The following HCRTR1 variants were observed in gnomAD, a reference collection of about 807,000 sequenced individuals.
HCRTR1 encodes hypocretin receptor 1.
Under a neutral mutation model 40.6 loss-of-function variants are expected in HCRTR1, and 28 were observed. The observed-to-expected ratio is 0.69, with a 90% confidence interval of 0.51 to 0.95. The LOEUF (loss-of-function observed/expected upper bound fraction) is 0.95, where lower values mean the gene tolerates loss of function less well. Among genes scored for constraint, HCRTR1 ranks in the 40% least tolerant of loss-of-function variants. HCRTR1 has a pLI of 0.00. For missense variants in HCRTR1, 482 were observed against 564.7 expected (o/e 0.85, Z 1.48); for synonymous variants, 209 against 230.0 (o/e 0.91, Z 0.83).
chr1:31,633,354 G>C, downstream of HCRTR1: 1 of 1,573,296 alleles, frequency 6.4e-7, no homozygotes, highest in Non-Finnish European at 8.6e-7. Context: ...AGAAATGCCA[G>C]GAAGGGCCAG....
rs1178311951 is a variant in HCRTR1 at position 31,623,602 on chromosome 1, G to A, written c.818G>A (p.Ser273Asn). The change falls in exon 7 of 9, where the codon AGT (serine) becomes AAT (asparagine). Residue 273 changes from serine to asparagine, a missense_variant. Transcript: ENST00000403528. Reference protein sequence around the residue: ...DQLGDLEQGLSGEPQPRARAF... With the variant: ...DQLGDLEQGLNGEPQPRARAF... ...CTGGGGGACCTGGAGCAGGGCCTGA[G>A]TGGAGAGCCCCAGCCCCGGGCCCGC... The A allele has an allele frequency of 4.3e-6, 7 of 1,613,700 alleles. No homozygotes were observed. The Middle Eastern group carries it at 6.6e-4, about 152-fold the overall frequency.
Position 31,619,163 on chromosome 1 carries a change from T to C in HCRTR1, c.-30T>C. The C allele has an allele frequency of 1.3e-6, 2 of 1,592,556 alleles. No homozygotes were observed. Among genetic ancestry groups the C allele is most frequent in the Non-Finnish European group, 1.7e-6 (2 of 1,170,030 alleles). On this transcript the variant is annotated 5_prime_UTR_variant, in exon 3 of 9. An upstream start codon of the reference 5' UTR is lost. Coordinates refer to ENST00000403528, the MANE Select transcript of HCRTR1 (RefSeq NM_001525.3). ...TCCTCTCCCTCTGTAGAGCCTAGGA[T>C]GCCCCTCTGCTGCAGCGGCTCCTGA...
downstream of HCRTR1, among the ~76,000 whole-genome samples, chr1:31,634,048 G>A (rs186916854): frequency 1.3e-5 from 2 of 152,278 alleles, no homozygotes; most frequent in African/African-American, 4.8e-5. Flanking sequence ...CCACAATCGG[G>A]GTCCCTTCAC....
Position 31,627,526 on chromosome 1 carries a change from C to T in HCRTR1, c.*546C>T. The stretch of plus-strand genomic sequence containing the variant: ...CACACCACAGACCCGACCTTGTTGG[C>T]TTTGTGGTGTGATAAAACACTCTCC... On this transcript the variant is annotated 3_prime_UTR_variant, in exon 9 of 9. Coordinates refer to ENST00000403528, the MANE Select transcript of HCRTR1 (RefSeq NM_001525.3). 2.5e-6 allele frequency: 1 copy of T among 408,022 alleles called. No homozygotes were observed. Among genetic ancestry groups the T allele is most frequent in the Non-Finnish European group, 4.5e-6 (1 of 220,440 alleles). The allele number at this position is 408,022 out of a possible 1,614,324, so 25.3% of individuals were successfully genotyped here.
At chr1:31,630,000 G>A (rs1248827157), downstream of HCRTR1, 2 of 155,806 alleles carry the variant, frequency 1.3e-5, no homozygotes, top group African/African-American at 4.8e-5. Context: ...GCCGAGCAGA[G>A]CATGGCAGGC....
intron 7 of HCRTR1, among the ~76,000 whole-genome samples, chr1:31,624,542 T>C (rs961970817): frequency 6.6e-6 from 1 of 151,250 alleles, no homozygotes; most frequent in Non-Finnish European, 1.5e-5. Context: ...CACGTGTCTG[T>C]AGGGACAGCC....
Position 31,627,004 on chromosome 1 carries a change from G to A in HCRTR1, c.*24G>A, listed in dbSNP as rs1056527. ...GAGCGAGGGCTGCCCTGGAGGCTCCGGCTCGGGGGATCTGCCCCTACCCCT... is the reference window on the plus strand; with the variant it reads ...GAGCGAGGGCTGCCCTGGAGGCTCCAGCTCGGGGGATCTGCCCCTACCCCT... On this transcript the variant is annotated 3_prime_UTR_variant, in exon 9 of 9. Transcript: ENST00000403528. 3,297 of 1,596,462 alleles carry A rather than the reference G, an allele frequency of 2.1e-3. 1 individual carries two copies. Among genetic ancestry groups the A allele is most frequent in the Non-Finnish European group, 2.6e-3 (3,092 of 1,172,178 alleles).
chr1:31,626,673 T>G lies in HCRTR1; in HGVS notation c.1088-117T>G. ...TCTCCCTCCCAGCTCTATCCCTCCC[T>G]CCCTCCCCGCCCCCTCATAGGCAGC... is the stretch of plus-strand genomic sequence containing the variant. On this transcript the variant is annotated intron_variant, in intron 8 of 8. Transcript: ENST00000403528. The surrounding 1 kb of genome is among the most constrained non-coding windows in gnomAD (Gnocchi z 4.6). 5.8e-6 allele frequency: 2 copies of G among 345,294 alleles called. No individual in the cohort carries two copies. Among genetic ancestry groups the G allele is most frequent in the Non-Finnish European group, 1.2e-5 (2 of 172,056 alleles). The allele number at this position is 345,294 out of a possible 1,614,324, so 21.4% of individuals were successfully genotyped here.
chr1:31,630,023 C>G (rs1222290387), downstream of HCRTR1: 2 of 155,164 alleles, frequency 1.3e-5, no homozygotes, highest in African/African-American at 4.8e-5. Flanking sequence ...GTGAGGGGTC[C>G]CAGCTGCAGA....
chr1:31,627,307 T>C lies in HCRTR1; in HGVS notation c.*327T>C, dbSNP rs199898974. 332 of 1,326,196 alleles carry C rather than the reference T, an allele frequency of 2.5e-4. No individual in the cohort carries two copies. Among genetic ancestry groups the C allele is most frequent in the Non-Finnish European group, 3.2e-4 (325 of 1,013,902 alleles). The allele number at this position is 1,326,196 out of a possible 1,614,324, so 82.2% of individuals were successfully genotyped here. ...TTGGTCATCCTCCTAAAGACCCCTT[T>C]CCTACCCAATTACAGGCCTTCCCTG... On this transcript the variant is annotated 3_prime_UTR_variant, in exon 9 of 9. Transcript: ENST00000403528.
chr1:31,631,850 C>T (rs1278343076), downstream of HCRTR1, among the ~76,000 whole-genome samples: 2 of 152,124 alleles, frequency 1.3e-5, no homozygotes, highest in East Asian at 1.9e-4. Flanking sequence ...GAATGAAATC[C>T]ACAGCCTGGG....
In HCRTR1 at chr1:31,620,822, C is replaced by T. The variant is rs200947676; in HGVS notation, c.379-21C>T. The stretch of plus-strand genomic sequence containing the variant: ...GCTGGGTGGCCCCCAAAATGACCGA[C>T]GTTGTGTCCCCGTGGGGCAGGCTGT... On this transcript the variant is annotated intron_variant, in intron 4 of 8. Transcript: ENST00000403528. 1.3e-3 allele frequency: 2,031 copies of T among 1,607,268 alleles called. 1 individual carries two copies. The highest frequency in any genetic ancestry group is 1.6e-3 in the Non-Finnish European group (1,903 of 1,175,908).
intron 7 of HCRTR1, among the ~76,000 whole-genome samples, chr1:31,624,658 T>A (rs1557579402): frequency 6.6e-6 from 1 of 152,142 alleles, no homozygotes; most frequent in African/African-American, 2.4e-5. Context: ...ATCTTCGGCA[T>A]GTCACTTTAC....
At chr1:31,630,786 G>C (rs1313849281), downstream of HCRTR1, 1 of 1,613,656 alleles carries the variant, frequency 6.2e-7, no homozygotes, top group Non-Finnish European at 8.5e-7. Flanking sequence ...GGGCAGTAGC[G>C]GGAGACCAGA....
At position 31,619,350 on chromosome 1, in the gene HCRTR1, A is replaced by T; in HGVS notation, c.158A>T (p.Tyr53Phe). The change falls in exon 3 of 9, where the codon TAT (tyrosine) becomes TTT (phenylalanine). Residue 53 changes from tyrosine to phenylalanine, a missense_variant. By Grantham distance (22) the Tyr-to-Phe change is conservative. Transcript: ENST00000403528. ...TATGAGTGGGTCCTCATCGCAGCCT[A>T]TGTGGCTGTGTTCGTCGTGGCCCTG... ...KQYEWVLIAA[Y>F]VAVFVVALVG... 1 of 1,614,214 alleles carries T rather than the reference A, an allele frequency of 6.2e-7. No homozygotes were observed. The highest frequency in any genetic ancestry group is 1.1e-5 in the South Asian group (1 of 91,090).
chr1:31,621,367 G>C (rs1639852776), intron 5 of HCRTR1, 110 bp from the exon 6 acceptor site: 1 of 906,128 alleles, frequency 1.1e-6, no homozygotes. Context: ...ATGGGGTCCA[G>C]CTGCTCCTAG....
downstream of HCRTR1, among the ~76,000 whole-genome samples, chr1:31,633,493 T>C (rs1640172981): frequency 6.6e-6 from 1 of 152,252 alleles, no homozygotes; most frequent in Admixed American, 6.5e-5. Context: ...TCATGAGTAT[T>C]TGCAGTTGAT....
intron 2 of HCRTR1, 89 bp from the exon 3 acceptor site, chr1:31,618,962 G>C (rs1639788073): frequency 1.8e-6 from 1 of 560,624 alleles, no homozygotes; most frequent in Admixed American, 3.2e-5. Flanking sequence ...AGAATTAAGA[G>C]GGAACTTATA....
downstream of HCRTR1, among the ~76,000 whole-genome samples, chr1:31,631,664 A>G (rs541314939): frequency 6.6e-6 from 1 of 152,348 alleles, no homozygotes; most frequent in East Asian, 1.9e-4. Flanking sequence ...GAATTACATA[A>G]GCCTATTAAA....
Sources: gnomAD v4.1 joint callset for allele counts (sites outside exome capture counted in the v4.1 genomes callset) on GRCh38, gnomAD v4.1.1 for gene constraint, Gnocchi (gnomAD v3.1) non-coding constraint, MANE v1.5 for transcripts, NCBI Gene and HGNC (gene_info 2026-07-23, HGNC 2026-07-21) for gene names.